The following TULP1 variants were observed in gnomAD, a reference collection of about 807,000 sequenced individuals.
TULP1 encodes tubby-related protein 1.
A neutral mutation model predicts 67.1 loss-of-function variants in TULP1; 50 were observed. That is an observed-to-expected ratio of 0.75 (90% CI 0.59 to 0.94). The LOEUF is 0.94. Ranked by LOEUF, TULP1 falls within the 40% of genes least tolerant of loss-of-function variation. The pLI, the probability that TULP1 is intolerant of heterozygous loss-of-function variation, is 0.00. For missense variants in TULP1, 746 were observed against 734.1 expected (o/e 1.02, Z -0.19); for synonymous variants, 297 against 294.0 (o/e 1.01, Z -0.11).
chr6:35,508,705 G>C (rs556001085), intron 8 of TULP1, among the ~76,000 whole-genome samples: 140 of 152,316 alleles, frequency 9.2e-4, no homozygotes, highest in African/African-American at 3.2e-3. Flanking sequence ...GGAGAAACAG[G>C]GAGGCTCCTG....
At position 35,503,546 on chromosome 6, in the gene TULP1, G is replaced by C. The variant is rs1042538349; in HGVS notation, c.1323+13C>G. 6.4e-7 allele frequency: 1 copy of C among 1,557,700 alleles called. No individual in the cohort carries two copies. The highest frequency in any genetic ancestry group is 1.4e-5 in the African/African-American group (1 of 73,410). On this transcript the variant is annotated intron_variant, in intron 13 of 14. Coordinates refer to ENST00000229771, the MANE Select transcript of TULP1 (RefSeq NM_003322.6). The surrounding 1 kb of genome is among the most constrained non-coding windows in gnomAD (Gnocchi z 4.0). ...ACATAGGGAGCCAGGGGCCAGGGAG[G>C]TGCGGGGCTCACATTTCGGGGCCGG...
Position 35,498,496 on chromosome 6 carries a change from C to T in TULP1, c.1496-36G>A. 6.2e-7 allele frequency: 1 copy of T among 1,612,310 alleles called. No homozygotes were observed. The highest frequency in any genetic ancestry group is 1.1e-5 in the South Asian group (1 of 91,048). ...AAGACGGGGTGGGGGCGGCCCGAGA[C>T]CTCCTTGGACCCCCATCCTGGCAGA... On this transcript the variant is annotated intron_variant, in intron 14 of 14. Coordinates refer to ENST00000229771, the MANE Select transcript of TULP1 (RefSeq NM_003322.6). This position sits in a 1 kb window ranked among gnomAD's most constrained non-coding sequence, Gnocchi z 6.7.
rs1203082767 is a variant in TULP1 at position 35,512,693 on chromosome 6, G to A, written c.48-3C>T. 3.1e-6 allele frequency: 5 copies of A among 1,613,870 alleles called. No homozygotes were observed. The African/African-American group carries it at 6.7e-5, about 22-fold the overall frequency. On this transcript the variant is annotated splice_region_variant and splice_polypyrimidine_tract_variant and intron_variant, in intron 1 of 14. Transcript: ENST00000229771. Reference sequence around the variant, plus strand: ...TCAGGCTTTCTTCTTCATGCCCACTGAGGGTAGCAAAGGGATCAGCCTGTC... The same window carrying A: ...TCAGGCTTTCTTCTTCATGCCCACTAAGGGTAGCAAAGGGATCAGCCTGTC...
Position 35,512,276 on chromosome 6 carries a change from G to T in TULP1, c.100-6C>A. 7.2e-7 allele frequency: 1 copy of T among 1,391,174 alleles called. No individual in the cohort carries two copies. The highest frequency in any genetic ancestry group is 9.4e-7 in the Non-Finnish European group (1 of 1,067,108). 86.2% of individuals were successfully genotyped at this position (1,391,174 alleles called of 1,614,324 possible). A position where few individuals can be genotyped will look rare whatever the true frequency, so the allele number is the denominator to read the frequency against. On this transcript the variant is annotated splice_region_variant and splice_polypyrimidine_tract_variant and intron_variant, in intron 2 of 14. Transcript: ENST00000229771. ...CTCTGTGCCGGGGCGGGTCGCTGCG[G>T]AACGGGGGTCAAGAGGAGGTCGAGG... is the stretch of plus-strand genomic sequence containing the variant.
chr6:35,498,475 C>T lies in TULP1; in HGVS notation c.1496-15G>A, dbSNP rs1014353296. On this transcript the variant is annotated splice_polypyrimidine_tract_variant and intron_variant, in intron 14 of 14. Coordinates refer to ENST00000229771, the MANE Select transcript of TULP1 (RefSeq NM_003322.6). The surrounding 1 kb of genome is among the most constrained non-coding windows in gnomAD (Gnocchi z 6.7). ...GATATAGTCGGCTATGGACACAAGA[C>T]GGGGTGGGGGCGGCCCGAGACCTCC... 1.9e-5 allele frequency: 30 copies of T among 1,613,406 alleles called. No homozygotes were observed. In the East Asian group the frequency reaches 6.5e-4, roughly 35 times the overall value.
Position 35,498,313 on chromosome 6 carries a change from A to AG in TULP1, c.*13dup, listed in dbSNP as rs1768747140. 6.2e-7 allele frequency: 1 copy of AG among 1,611,528 alleles called. No individual in the cohort carries two copies. The highest frequency in any genetic ancestry group is 1.3e-5 in the African/African-American group (1 of 74,924). ...ACGCTGACGGGCTCTGGGGGCGCTG[A>AG]GGGGCTGCTGGGGTCACTCGCAGGC... On this transcript the variant is annotated 3_prime_UTR_variant, in exon 15 of 15. Transcript: ENST00000229771. The surrounding 1 kb of genome is among the most constrained non-coding windows in gnomAD (Gnocchi z 6.7).
Position 35,500,069 on chromosome 6 carries a change from G to T in TULP1, c.1407C>A (p.Asn469Lys). 6.2e-7 allele frequency: 1 copy of T among 1,614,170 alleles called. No individual in the cohort carries two copies. Among genetic ancestry groups the T allele is most frequent in the Non-Finnish European group, 8.5e-7 (1 of 1,180,012 alleles). The change falls in exon 14 of 15, where the codon AAC (asparagine) becomes AAA (lysine). Residue 469 changes from asparagine (N) to lysine (K), a missense_variant. Physicochemically the swap from Asn to Lys is moderately conservative, Grantham distance 94 (BLOSUM62 0). Around this residue, in one of 3 missense-constraint regions of TULP1, gnomAD observed 383 missense variants for 374.1 expected, o/e 1.02. Transcript: ENST00000229771. ...IELHNKPPVW[N>K]DDSGSYTLNF... is the part of the protein sequence containing the mutation. ...TGAGGGTGTAGGAGCCACTGTCATCGTTCCAGACAGGTGGCTTGTTGTGCA... is the reference window on the plus strand; with the variant it reads ...TGAGGGTGTAGGAGCCACTGTCATCTTTCCAGACAGGTGGCTTGTTGTGCA...
In TULP1 at chr6:35,500,172, T is replaced by C. The variant is rs777448244; in HGVS notation, c.1324-20A>G. The C allele has an allele frequency of 2.1e-5, 34 of 1,612,818 alleles. No individual in the cohort carries two copies. Among genetic ancestry groups the C allele is most frequent in the Non-Finnish European group, 2.6e-5 (31 of 1,179,882 alleles). On this transcript the variant is annotated intron_variant, in intron 13 of 14. Coordinates refer to ENST00000229771, the MANE Select transcript of TULP1 (RefSeq NM_003322.6). ...ACTAGCCTGGGGTGCCCCAGGGGAG[T>C]AGACAGGGAGAGGACAGTTAGAGAT...
At position 35,511,796 on chromosome 6, in the gene TULP1, C is replaced by T. The variant is rs769453064; in HGVS notation, c.201G>A (p.Thr67=). 1.3e-6 allele frequency: 2 copies of T among 1,561,888 alleles called. No individual in the cohort carries two copies. The highest frequency in any genetic ancestry group is 1.4e-5 in the African/African-American group (1 of 73,530). ...GGGAAGGCTCCTCCCGCGGCCTCCC[C>T]GTCCGCCCAGCTGAGCCGAGATGCG... ...SKPRKPGAGR[T]GRPREEPSPD... is the part of the protein sequence containing the mutation. Residue 67 remains threonine, a synonymous_variant, in exon 4 of 15, where the codon ACG becomes ACA. Coordinates refer to ENST00000229771, the MANE Select transcript of TULP1 (RefSeq NM_003322.6).
intron 13 of TULP1, among the ~76,000 whole-genome samples, chr6:35,500,443 G>T (rs1768815455): frequency 6.6e-6 from 1 of 152,130 alleles, no homozygotes; most frequent in Non-Finnish European, 1.5e-5. Context: ...GGTGGTCTTA[G>T]GAGACAGACA....
At position 35,503,799 on chromosome 6, in the gene TULP1, G is replaced by A; in HGVS notation, c.1162C>T (p.Pro388Ser). Residue 388 changes from proline (P) to serine (S), a missense_variant, in exon 12 of 15, where the codon CCA becomes TCA. Pro to Ser is a moderately conservative substitution (Grantham distance 74). Transcript: ENST00000229771. This position sits in a 1 kb window ranked among gnomAD's most constrained non-coding sequence, Gnocchi z 4.0. ...ACATTAGTGCTGTACCCACGCTGTG[G>A]GTTCTGCCCGTTGTCAAAGACCGTG... ...RFTVFDNGQN[P>S]QRGYSTNVAS... 6.2e-7 allele frequency: 1 copy of A among 1,613,310 alleles called. No individual in the cohort carries two copies. Among genetic ancestry groups the A allele is most frequent in the Non-Finnish European group, 8.5e-7 (1 of 1,179,874 alleles).
chr6:35,498,289 C>T lies in TULP1; in HGVS notation c.*38G>A, dbSNP rs762892498. 32 of 1,608,530 alleles carry T rather than the reference C, an allele frequency of 2.0e-5. No individual in the cohort carries two copies. Among genetic ancestry groups the T allele is most frequent in the Non-Finnish European group, 2.5e-5 (30 of 1,178,744 alleles). The stretch of plus-strand genomic sequence containing the variant: ...AGCCTCCACTGAATCCTTTCCCCCA[C>T]GCTGACGGGCTCTGGGGGCGCTGAG... On this transcript the variant is annotated 3_prime_UTR_variant, in exon 15 of 15. Coordinates refer to ENST00000229771, the MANE Select transcript of TULP1 (RefSeq NM_003322.6). The surrounding 1 kb of genome is among the most constrained non-coding windows in gnomAD (Gnocchi z 6.7).
At chr6:35,502,514 G>A (rs1760985389) in intron 13 of TULP1, among the ~76,000 whole-genome samples, 1 of 150,734 alleles carries the variant, frequency 6.6e-6, no homozygotes, top group Admixed American at 6.7e-5. Flanking sequence ...TAATTTTTGA[G>A]ACAGAGTGTC....
Position 35,511,664 on chromosome 6 carries a change from G to C in TULP1, c.333C>G (p.Ala111=), listed in dbSNP as rs1419096030. ...CTCTCTCACCGTCCTCCGCGTCTGG[G>C]GCACGGGCTACCAGAAAGGTTTCCC... The part of the protein sequence containing the change: ...DPRETFLVAR[A]PDAEDEEEEE... The change falls in exon 4 of 15, where the codon GCC becomes GCG. Residue 111 remains alanine (A), a synonymous_variant. Coordinates refer to ENST00000229771, the MANE Select transcript of TULP1 (RefSeq NM_003322.6). 1.6e-5 allele frequency: 25 copies of C among 1,595,018 alleles called. No homozygotes were observed. Among genetic ancestry groups the C allele is most frequent in the Non-Finnish European group, 2.1e-5 (25 of 1,170,638 alleles).
At position 35,510,931 on chromosome 6, in the gene TULP1, G is replaced by C; in HGVS notation, c.429C>G (p.Pro143=). ...EEKKEKILLP[P]KKPLREKSSA... The stretch of plus-strand genomic sequence containing the variant: ...AGCTCTTCTCTCTCAGGGGCTTCTT[G>C]GGAGGCAGAAGGATTTTCTCTTTCT... The change falls in exon 5 of 15, where the codon CCC becomes CCG. Residue 143 remains proline, a synonymous_variant. Transcript: ENST00000229771. 1 of 1,613,604 alleles carries C rather than the reference G, an allele frequency of 6.2e-7. No individual in the cohort carries two copies. The highest frequency in any genetic ancestry group is 2.2e-5 in the East Asian group (1 of 44,852).
Position 35,503,649 on chromosome 6 carries a change from G to T in TULP1, c.1233C>A (p.Asn411Lys), listed in dbSNP as rs377376210. Residue 411 changes from asparagine to lysine, a missense_variant, in exon 13 of 15, where the codon AAC becomes AAA. By Grantham distance (94) the Asn-to-Lys change is moderately conservative. This residue lies in a region of TULP1 where 383 missense variants were observed against 374.1 expected (regional missense o/e 1.02). Coordinates refer to ENST00000229771, the MANE Select transcript of TULP1 (RefSeq NM_003322.6). This position sits in a 1 kb window ranked among gnomAD's most constrained non-coding sequence, Gnocchi z 4.0. ...GCCGGGGGCCACGGAAGCCCAGCAC[G>T]TTGGTTTCCTGGGAAGGAAACAGAT... ...QELAAVIYET[N>K]VLGFRGPRRM... The T allele has an allele frequency of 6.9e-6, 11 of 1,599,468 alleles. No individual in the cohort carries two copies. Among genetic ancestry groups the T allele is most frequent in the East Asian group, 2.3e-5 (1 of 44,084 alleles).
rs1761226162 is a variant in TULP1, at chr6:35,512,282, G to A, written c.100-12C>T. On this transcript the variant is annotated splice_polypyrimidine_tract_variant and intron_variant, in intron 2 of 14. Coordinates refer to ENST00000229771, the MANE Select transcript of TULP1 (RefSeq NM_003322.6). The stretch of plus-strand genomic sequence containing the variant: ...GCCGGGGCGGGTCGCTGCGGAACGG[G>A]GGTCAAGAGGAGGTCGAGGAAGGAA... 4.4e-6 allele frequency: 6 copies of A among 1,372,842 alleles called. No individual in the cohort carries two copies. The South Asian group carries it at 9.3e-5, about 21-fold the overall frequency. The allele number at this position is 1,372,842 out of a possible 1,614,324, so 85.0% of individuals were successfully genotyped here. A position where few individuals can be genotyped will look rare whatever the true frequency, so the allele number is the denominator to read the frequency against.
chr6:35,501,278 G>A (rs750013183), intron 13 of TULP1, among the ~76,000 whole-genome samples: 1 of 151,958 alleles, frequency 6.6e-6, no homozygotes, highest in African/African-American at 2.4e-5. Flanking sequence ...AAGCCGAGAC[G>A]AGAGGATCAC....
chr6:35,511,956 TC>T, intron 3 of TULP1, 150 bp from the exon 4 acceptor site: 1 of 929,412 alleles, frequency 1.1e-6, no homozygotes, highest in Non-Finnish European at 1.5e-6. Context: ...TCAACACTTC[TC>T]CCCGGCTTCC....
Sources: allele counts gnomAD v4.1 joint callset (sites outside exome capture counted in the v4.1 genomes callset), GRCh38; gene constraint gnomAD v4.1.1; regional missense constraint gnomAD v4.1.1; non-coding constraint Gnocchi (gnomAD v3.1); transcripts MANE v1.5; gene names NCBI Gene and HGNC (gene_info 2026-07-23, HGNC 2026-07-21).